DCLK1: variants seen among roughly 807,000 people sequenced by gnomAD.
DCLK1 encodes the protein serine/threonine-protein kinase DCLK1.
A neutral mutation model predicts 86.2 loss-of-function variants in DCLK1; 16 were observed. That is an observed-to-expected ratio of 0.19 (90% CI 0.13 to 0.28). The LOEUF (loss-of-function observed/expected upper bound fraction) is 0.28, where lower values mean the gene tolerates loss of function less well. Among genes scored for constraint, DCLK1 ranks in the 10% least tolerant of loss-of-function variants. The pLI is 1.00. For missense variants in DCLK1, 590 were observed against 940.2 expected, an observed-to-expected ratio of 0.63 and a Z score of 4.87; for synonymous variants, 369 against 370.5, an observed-to-expected ratio of 1.00 and a Z score of 0.05.
At chr13:36,066,709 A>C (rs4054845) in intron 3 of DCLK1, among the ~76,000 whole-genome samples, 56,561 of 151,586 alleles carry the variant, frequency 0.37, 10,704 homozygotes, top group South Asian at 0.59. Context: ...ACAAATTTAC[A>C]AGAAAAAAAC....
chr13:35,981,557 A>G lies in DCLK1; in HGVS notation c.724-34100T>C, dbSNP rs140208705. ...TGTTGCACATTCTATGAACAAATTTATGACACAGATCCACCATTAGAGTAT... is the reference window on the plus strand; with the variant it reads ...TGTTGCACATTCTATGAACAAATTTGTGACACAGATCCACCATTAGAGTAT... On this transcript the variant is annotated intron_variant, in intron 3 of 16. Coordinates refer to ENST00000360631, the MANE Select transcript of DCLK1 (RefSeq NM_001330071.2). 1.5e-4 allele frequency among the ~76,000 whole-genome samples: 23 copies of G among 152,272 alleles called. No homozygotes were observed. The East Asian group carries it at 4.3e-3, about 28-fold the overall frequency.
chr13:36,127,471 A>G (rs970603757), intron 1 of DCLK1, among the ~76,000 whole-genome samples: 5 of 152,190 alleles, frequency 3.3e-5, no homozygotes, highest in African/African-American at 1.2e-4. Flanking sequence ...AGCTTGAAAA[A>G]TCTACTTGCT....
chr13:35,978,203 CTTTTT>C (rs11311688), intron 3 of DCLK1, among the ~76,000 whole-genome samples: 1 of 82,756 alleles, frequency 1.2e-5, no homozygotes, highest in Non-Finnish European at 2.3e-5. Context: ...CTTTTCTTTT[CTTTTT>C]TTTTTTTTTT....
rs1214605490 is a variant in DCLK1 at position 35,847,656 on chromosome 13, A to AAAGAAAGAAAGAAAGAAAGAAAGAAAGG, written c.1035+6842_1035+6843insCCTTTCTTTCTTTCTTTCTTTCTTTCTT. The AAAGAAAGAAAGAAAGAAAGAAAGAAAGG allele has an allele frequency of 3.4e-6, 3 of 874,236 alleles. No homozygotes were observed. The African/African-American group carries it at 5.6e-5, about 16-fold the overall frequency. 54.2% of individuals were successfully genotyped at this position (874,236 alleles called of 1,614,324 possible). A position where few individuals can be genotyped will look rare whatever the true frequency, so the allele number is the denominator to read the frequency against. On this transcript the variant is annotated intron_variant, in intron 6 of 16. Transcript: ENST00000360631. ...GAAAGAAAGAAAGAAAGAAAGAAAGAAAAAGAGCCCAATCATGTATAGATC... is the reference window on the plus strand; with the variant it reads ...GAAAGAAAGAAAGAAAGAAAGAAAGAAAGAAAGAAAGAAAGAAAGAAAGAAAGGAAAAGAGCCCAATCATGTATAGATC...
intron 11 of DCLK1, among the ~76,000 whole-genome samples, chr13:35,816,796 C>T (rs976247144): frequency 6.6e-6 from 1 of 152,098 alleles, no homozygotes; most frequent in Non-Finnish European, 1.5e-5. Flanking sequence ...AACTTATCTC[C>T]ATATATACCG....
intron 3 of DCLK1, among the ~76,000 whole-genome samples, chr13:36,063,249 A>C (rs1033343410): frequency 1.3e-5 from 2 of 152,264 alleles, no homozygotes; most frequent in African/African-American, 2.4e-5. Context: ...TATGTTGGAA[A>C]AGTCTAGATG....
intron 3 of DCLK1, among the ~76,000 whole-genome samples, chr13:36,101,550 C>G (rs1437516955): frequency 6.6e-6 from 1 of 152,258 alleles, no homozygotes; most frequent in Middle Eastern, 3.4e-3. Context: ...TCCATTCATA[C>G]TCTTCAGTCT....
chr13:35,903,389 C>T (rs1040216076), intron 4 of DCLK1, among the ~76,000 whole-genome samples: 8 of 152,186 alleles, frequency 5.3e-5, no homozygotes, highest in African/African-American at 1.4e-4. Flanking sequence ...TCAGAACAGA[C>T]GTGCTTTCTA....
At chr13:35,833,486 G>C (rs1025849674) in intron 8 of DCLK1, among the ~76,000 whole-genome samples, 1 of 152,100 alleles carries the variant, frequency 6.6e-6, no homozygotes, top group Non-Finnish European at 1.5e-5. Context: ...ACTTCCTTTA[G>C]TATGTCCCAG....
chr13:35,965,112 C>A (rs1299109456), intron 3 of DCLK1, among the ~76,000 whole-genome samples: 1 of 152,188 alleles, frequency 6.6e-6, no homozygotes, highest in Admixed American at 6.5e-5. Context: ...GTTCTGAGAT[C>A]ACCAGTGCAG....
At chr13:36,067,336 C>T (rs187051531) in intron 3 of DCLK1, among the ~76,000 whole-genome samples, 2,805 of 148,410 alleles carry the variant, frequency 0.019, 27 homozygotes, top group Non-Finnish European at 0.03. Flanking sequence ...CATGTTCTCA[C>T]TCATAGGCGG....
intron 11 of DCLK1, among the ~76,000 whole-genome samples, chr13:35,819,223 T>C (rs1184773856): frequency 1.3e-5 from 2 of 152,160 alleles, no homozygotes; most frequent in African/African-American, 4.8e-5. Context: ...ATAAGGGGTA[T>C]TTTTTATTGG....
At chr13:35,874,119 A>G (rs1160337787) in intron 4 of DCLK1, among the ~76,000 whole-genome samples, 3 of 152,160 alleles carry the variant, frequency 2.0e-5, no homozygotes, top group Admixed American at 6.5e-5. Flanking sequence ...CAAAGAACTC[A>G]TAATCATTCC....
At chr13:36,015,832 CATT>C (rs1444098958) in intron 3 of DCLK1, among the ~76,000 whole-genome samples, 1 of 152,158 alleles carries the variant, frequency 6.6e-6, no homozygotes, top group Non-Finnish European at 1.5e-5. Flanking sequence ...TTCAGGCCCT[CATT>C]GTATTTATTC....
At chr13:35,917,179 C>T (rs1401978484) in intron 4 of DCLK1, among the ~76,000 whole-genome samples, 1 of 152,246 alleles carries the variant, frequency 6.6e-6, no homozygotes, top group Non-Finnish European at 1.5e-5. Flanking sequence ...TTCTATGGGT[C>T]GTTGTTTCCT....
chr13:35,949,917 C>T (rs1205164925), intron 3 of DCLK1, among the ~76,000 whole-genome samples: 1 of 143,302 alleles, frequency 7.0e-6, no homozygotes, highest in Non-Finnish European at 1.5e-5. Context: ...AAAAGGAATG[C>T]AATGATTGTT....
chr13:35,773,290 A>AT lies in DCLK1; in HGVS notation c.*1244dup, dbSNP rs1321279077. On this transcript the variant is annotated 3_prime_UTR_variant, in exon 17 of 17. Coordinates refer to ENST00000360631, the MANE Select transcript of DCLK1 (RefSeq NM_001330071.2). ...CTCCTGGACAGCTAAAGACAGTGGT[A>AT]TTTAAAAAAAATCATTTTAGGGGAT... 6.6e-6 allele frequency: 1 copy of AT among 152,520 alleles called. No individual in the cohort carries two copies. Among genetic ancestry groups the AT allele is most frequent in the African/African-American group, 2.4e-5 (1 of 41,420 alleles). The allele number at this position is 152,520 out of a possible 1,614,324, so 9.4% of individuals were successfully genotyped here.
At position 36,033,645 on chromosome 13, in the gene DCLK1, T is replaced by A. The variant is rs914321625; in HGVS notation, c.723+78224A>T. Among the ~76,000 whole-genome samples the A allele has an allele frequency of 5.9e-5, 9 of 151,950 alleles. 1 individual carries two copies. Among genetic ancestry groups the A allele is most frequent in the Admixed American group, 3.3e-4 (5 of 15,230 alleles). On this transcript the variant is annotated intron_variant, in intron 3 of 16. Transcript: ENST00000360631. ...AGGACTGGCACTCAATGACTATGAG[T>A]ACAGGTGCGGTAGCTCACGCCTGTA...
intron 3 of DCLK1, among the ~76,000 whole-genome samples, chr13:36,085,078 A>G (rs1182616656): frequency 6.6e-6 from 1 of 152,228 alleles, no homozygotes; most frequent in African/African-American, 2.4e-5. Flanking sequence ...AATATGCCCA[A>G]GGAAACTCAA....
Sources: allele counts gnomAD v4.1 joint callset (sites outside exome capture counted in the v4.1 genomes callset), GRCh38; gene constraint gnomAD v4.1.1; transcripts MANE v1.5; gene names NCBI Gene and HGNC (gene_info 2026-07-23, HGNC 2026-07-21).